RELB: variants seen among roughly 807,000 people sequenced by gnomAD.
RELB encodes transcription factor RelB.
In RELB, 14 loss-of-function variants were observed where a neutral mutation model predicts 55.4. That is an observed-to-expected ratio of 0.25 (90% confidence interval 0.17 to 0.40). RELB has a LOEUF of 0.40. Ranked by LOEUF, RELB falls within the 10% of genes least tolerant of loss-of-function variation. RELB has a pLI of 1.00. For missense variants in RELB, 669 were observed against 830.7 expected (o/e 0.81, Z 2.39); for synonymous variants, 409 against 371.3 (o/e 1.10, Z -1.17).
intron 4 of RELB, among the ~76,000 whole-genome samples, chr19:45,018,399 A>G (rs1971446212): frequency 6.6e-6 from 1 of 151,906 alleles, no homozygotes; most frequent in Admixed American, 6.6e-5. Context: ...GCGAGACTCC[A>G]TCTCAAAAAA....
At chr19:45,011,695 C>T (rs1374049991) in intron 3 of RELB, among the ~76,000 whole-genome samples, 1 of 151,148 alleles carries the variant, frequency 6.6e-6, no homozygotes, top group Non-Finnish European at 1.5e-5. Flanking sequence ...GATTCACCCA[C>T]CTTGGCCTCC....
Position 45,012,221 on chromosome 19 carries a change from G to A in RELB, c.449G>A (p.Gly150Asp). 6.7e-7 allele frequency: 1 copy of A among 1,492,934 alleles called. No individual in the cohort carries two copies. Among genetic ancestry groups the A allele is most frequent in the South Asian group, 1.4e-5 (1 of 73,674 alleles). 92.5% of individuals were successfully genotyped at this position (1,492,934 alleles called of 1,614,324 possible). ...TACGAGTGCGAGGGCCGCTCGGCCG[G>A]CAGCATCCTTGGGGAGAGCAGCACC... ...FRYECEGRSA[G>D]SILGESSTEA... is the part of the protein sequence containing the mutation. Residue 150 changes from glycine (G) to aspartate (D), a missense_variant, in exon 4 of 12, where the codon GGC (glycine) becomes GAC (aspartate). Gly to Asp is a moderately conservative substitution (Grantham distance 94). This residue lies in a region of RELB where 323 missense variants were observed against 368.5 expected (regional missense o/e 0.88). Transcript: ENST00000221452.
At chr19:45,019,167 G>T (rs532657826) in intron 4 of RELB, among the ~76,000 whole-genome samples, 26 of 152,164 alleles carry the variant, frequency 1.7e-4, no homozygotes, top group Non-Finnish European at 2.8e-4. Flanking sequence ...GGTTCAAGCA[G>T]TTTTCCCATC....
chr19:45,037,886 C>T lies in RELB; in HGVS notation c.*96C>T. On this transcript the variant is annotated 3_prime_UTR_variant, in exon 12 of 12. Transcript: ENST00000221452. ...GTCTAGCACCCCCATCCCCTTGGCC[C>T]TTCCTCATGCTTCTGAAGTGGACAT... 1.6e-6 allele frequency: 2 copies of T among 1,227,786 alleles called. No individual in the cohort carries two copies. The highest frequency in any genetic ancestry group is 2.2e-6 in the Non-Finnish European group (2 of 922,612). The allele number at this position is 1,227,786 out of a possible 1,614,324, so 76.1% of individuals were successfully genotyped here. A position where few individuals can be genotyped will look rare whatever the true frequency, so the allele number is the denominator to read the frequency against.
rs1654101023 is a variant in RELB at position 45,037,679 on chromosome 19, C to A, written c.1629C>A (p.Gly543=). The A allele has an allele frequency of 1.3e-5, 21 of 1,566,318 alleles. No individual in the cohort carries two copies. Among genetic ancestry groups the A allele is most frequent in the South Asian group, 2.3e-5 (2 of 86,660 alleles). Reference sequence around the variant, plus strand: ...CACTGGACTCGTACCAGGCCCCGGGCCCCGGGGATGGAGGCACCGCCAGCC... The same window carrying A: ...CACTGGACTCGTACCAGGCCCCGGGACCCGGGGATGGAGGCACCGCCAGCC... ...PLTLDSYQAP[G]PGDGGTASLV... is the part of the protein sequence containing the mutation. Residue 543 remains glycine, a synonymous_variant, in exon 12 of 12, where the codon GGC becomes GGA. Coordinates refer to ENST00000221452, the MANE Select transcript of RELB (RefSeq NM_006509.4).
chr19:45,025,533 C>T, intron 6 of RELB, 73 bp from the exon 7 acceptor site: 1 of 1,594,258 alleles, frequency 6.3e-7, no homozygotes, highest in Non-Finnish European at 8.6e-7. Flanking sequence ...AGCCCCATCC[C>T]TTCCCCGTTC....
chr19:45,007,533 AC>A (rs2122395057), intron 2 of RELB, among the ~76,000 whole-genome samples: 1 of 151,780 alleles, frequency 6.6e-6, no homozygotes, highest in East Asian at 1.9e-4. Context: ...ATTCAAATCA[AC>A]TCTATGTGAC....
intron 7 of RELB, among the ~76,000 whole-genome samples, chr19:45,027,102 G>A (rs936724228): frequency 4.6e-5 from 7 of 151,736 alleles, no homozygotes; most frequent in Admixed American, 1.3e-4. Context: ...GCGTCGTGGC[G>A]GGCGCCTGTA....
intron 2 of RELB, chr19:45,003,699 C>A: frequency 2.1e-6 from 1 of 479,534 alleles, no homozygotes. Context: ...GTAAGATGGA[C>A]AGAATAACAG....
chr19:45,003,919 T>TG (rs1278529106), intron 2 of RELB, among the ~76,000 whole-genome samples: 25 of 91,940 alleles, frequency 2.7e-4, no homozygotes, highest in African/African-American at 1.8e-4. Context: ...TTTTGTGTTT[T>TG]TTTTTTTTTT....
intron 5 of RELB, among the ~76,000 whole-genome samples, chr19:45,023,507 G>A (rs536559961): frequency 5.8e-4 from 86 of 147,228 alleles, no homozygotes; most frequent in African/African-American, 2.1e-3. Context: ...GCGCGATCTC[G>A]GCTCACTGCA....
In RELB at chr19:45,009,961, G is replaced by A. The variant is rs1406094781; in HGVS notation, c.163+139G>A. ...TCCAGGACTGTGGAGGGATTTGAAC[G>A]AAGTCATGCTCCTAAGGTACTTAGC... On this transcript the variant is annotated intron_variant, in intron 3 of 11. Coordinates refer to ENST00000221452, the MANE Select transcript of RELB (RefSeq NM_006509.4). 1.4e-5 allele frequency: 12 copies of A among 887,370 alleles called. 1 individual carries two copies. Among genetic ancestry groups the A allele is most frequent in the South Asian group, 4.4e-5 (3 of 67,576 alleles). 55.0% of individuals were successfully genotyped at this position (887,370 alleles called of 1,614,324 possible).
intron 2 of RELB, chr19:45,008,393 G>C: frequency 2.2e-6 from 1 of 456,038 alleles, no homozygotes; most frequent in South Asian, 1.5e-5. Context: ...CCAGGACTCA[G>C]TCTCCCCCTA....
intron 5 of RELB, among the ~76,000 whole-genome samples, chr19:45,022,621 C>T (rs182351540): frequency 6.7e-6 from 1 of 150,254 alleles, no homozygotes; most frequent in Admixed American, 6.7e-5. Context: ...GATCTCAGCT[C>T]ACTCCAACCT....
chr19:45,012,080 C>A lies in RELB; in HGVS notation c.308C>A (p.Thr103Lys). 1 of 1,547,970 alleles carries A rather than the reference C, an allele frequency of 6.5e-7. No individual in the cohort carries two copies. The highest frequency in any genetic ancestry group is 8.7e-7 in the Non-Finnish European group (1 of 1,152,168). The change falls in exon 4 of 12, where the codon ACG (threonine) becomes AAG (lysine). Residue 103 changes from threonine (T) to lysine (K), a missense_variant. Around this residue, in one of 3 missense-constraint regions of RELB, gnomAD observed 323 missense variants for 368.5 expected, o/e 0.88. Coordinates refer to ENST00000221452, the MANE Select transcript of RELB (RefSeq NM_006509.4). The part of the protein sequence containing the change: ...VTLGPVAPPA[T>K]PPPWGCPLGR... ...CTGGGCCCTGTGGCGCCCCCAGCCA[C>A]GCCGCCGCCTTGGGGCTGCCCCCTG...
chr19:45,033,860 A>ATTT (rs1971655340), intron 9 of RELB, among the ~76,000 whole-genome samples: 1 of 151,646 alleles, frequency 6.6e-6, no homozygotes, highest in African/African-American at 2.4e-5. Context: ...CATCTTTAAA[A>ATTT]AAAAAAAAAA....
At chr19:45,032,055 G>GTGAAACCCC (rs1236809649) in intron 8 of RELB, among the ~76,000 whole-genome samples, 3 of 150,832 alleles carry the variant, frequency 2.0e-5, no homozygotes, top group Non-Finnish European at 3.0e-5. Context: ...GGCCAACGTG[G>GTGAAACCCC]TGAAACCCCG....
intron 9 of RELB, among the ~76,000 whole-genome samples, chr19:45,033,460 G>A (rs1023131801): frequency 9.2e-5 from 14 of 152,022 alleles, no homozygotes; most frequent in Non-Finnish European, 1.8e-4. Context: ...TGAGGCAGGC[G>A]GATCACCTGA....
At chr19:45,024,950 C>T (rs186654177) in intron 5 of RELB, among the ~76,000 whole-genome samples, 2 of 152,112 alleles carry the variant, frequency 1.3e-5, no homozygotes, top group African/African-American at 4.8e-5. Flanking sequence ...ACCTCTGCCT[C>T]CCGGGTTCAA....
Sources: gnomAD v4.1 joint callset for allele counts (sites outside exome capture counted in the v4.1 genomes callset) on GRCh38, gnomAD v4.1.1 for gene constraint, gnomAD v4.1.1 regional missense constraint, MANE v1.5 for transcripts, NCBI Gene and HGNC (gene_info 2026-07-23, HGNC 2026-07-21) for gene names.